The following WDPCP variants were observed in gnomAD, a reference collection of about 807,000 sequenced individuals.
WDPCP encodes the protein WD repeat-containing and planar cell polarity effector protein fritz homolog.
In WDPCP, 71 loss-of-function variants were observed where a neutral mutation model predicts 93.1. That is an observed-to-expected ratio of 0.76 (90% CI 0.63 to 0.93). The LOEUF is 0.93. Ranked by LOEUF, WDPCP falls within the 40% of genes least tolerant of loss-of-function variation. The pLI, the probability that WDPCP is intolerant of heterozygous loss-of-function variation, is 0.00. For synonymous variants in WDPCP, 315 were observed against 315.0 expected, an observed-to-expected ratio of 1.00 and a Z score of 0.00; for missense variants, 844 against 887.4, an observed-to-expected ratio of 0.95 and a Z score of 0.62.
chr2:63,313,115 A>G (rs1478321203), intron 13 of WDPCP, 133 bp downstream of exon 13: 2 of 796,230 alleles, frequency 2.5e-6, no homozygotes, highest in African/African-American at 3.5e-5. Flanking sequence ...CAAACCTGCA[A>G]GTCAAGATGG....
intron 1 of WDPCP, among the ~76,000 whole-genome samples, chr2:63,534,281 A>G (rs1704089735): frequency 6.6e-6 from 1 of 152,232 alleles, no homozygotes; most frequent in African/African-American, 2.4e-5. Context: ...TACCAGAGGT[A>G]CAAAGAGGAG....
At chr2:63,125,723 C>G (rs745669235) in intron 17 of WDPCP, among the ~76,000 whole-genome samples, 1 of 152,100 alleles carries the variant, frequency 6.6e-6, no homozygotes, top group Non-Finnish European at 1.5e-5. Context: ...TTCTCCCTGC[C>G]TCAGCCTTCT....
At chr2:63,553,467 ATC>A (rs1172661878) in intron 1 of WDPCP, among the ~76,000 whole-genome samples, 3 of 151,854 alleles carry the variant, frequency 2.0e-5, no homozygotes, top group Non-Finnish European at 4.4e-5. Flanking sequence ...TCCTCAATTC[ATC>A]TCTGTTTGGA....
At chr2:63,729,734 T>C (rs1028362216) in intron 2 of WDPCP, among the ~76,000 whole-genome samples, 2 of 152,160 alleles carry the variant, frequency 1.3e-5, no homozygotes, top group Non-Finnish European at 2.9e-5. Context: ...TCCCCCAGAC[T>C]AAAGGGATAC....
At chr2:63,802,705 T>C (rs1670714237) in intron 2 of WDPCP, among the ~76,000 whole-genome samples, 1 of 152,166 alleles carries the variant, frequency 6.6e-6, no homozygotes, top group African/African-American at 2.4e-5. Flanking sequence ...GGAAATTGTC[T>C]ATATTATTGT....
intron 8 of WDPCP, among the ~76,000 whole-genome samples, chr2:63,435,224 G>T (rs1474743586): frequency 1.3e-5 from 2 of 151,936 alleles, no homozygotes; most frequent in Non-Finnish European, 2.9e-5. Context: ...CTTGTTAAAG[G>T]TCAATAGTTT....
At chr2:63,752,241 C>G (rs1669894856) in intron 2 of WDPCP, 3 of 755,314 alleles carry the variant, frequency 4.0e-6, no homozygotes, top group Non-Finnish European at 7.1e-6. Flanking sequence ...ATTTCAATCA[C>G]TTCAATTTTT....
intron 12 of WDPCP, among the ~76,000 whole-genome samples, chr2:63,317,456 A>C (rs1211701066): frequency 1.3e-5 from 2 of 151,890 alleles, no homozygotes; most frequent in South Asian, 4.2e-4. Flanking sequence ...TGAACACCCA[A>C]AGCAATTCTA....
intron 9 of WDPCP, among the ~76,000 whole-genome samples, chr2:63,411,368 G>A (rs2105265722): frequency 6.6e-6 from 1 of 152,204 alleles, no homozygotes; most frequent in East Asian, 1.9e-4. Context: ...AAACCTCTGG[G>A]ATACAGCAAA....
At chr2:63,256,097 T>C (rs1681119411) in intron 14 of WDPCP, among the ~76,000 whole-genome samples, 1 of 152,114 alleles carries the variant, frequency 6.6e-6, no homozygotes, top group African/African-American at 2.4e-5. Context: ...AAGAAATAAA[T>C]TCAGCCCAAA....
At chr2:63,691,983 AT>A (rs552326106) in intron 2 of WDPCP, among the ~76,000 whole-genome samples, 140 of 152,106 alleles carry the variant, frequency 9.2e-4, no homozygotes, top group African/African-American at 3.1e-3. Flanking sequence ...TTATAAAAAA[AT>A]ATAGGACCTA....
chr2:63,588,928 G>C (rs1442885389), upstream of WDPCP: 1 of 1,436,224 alleles, frequency 7.0e-7, no homozygotes, highest in Non-Finnish European at 9.8e-7. Context: ...CGTCGGGAGC[G>C]GAGCCTTTTC....
chr2:63,577,390 G>T (rs1309011250), intron 1 of WDPCP, among the ~76,000 whole-genome samples: 3 of 152,152 alleles, frequency 2.0e-5, no homozygotes, highest in African/African-American at 7.2e-5. Context: ...AAAGTTTATT[G>T]TTTGGGGGAG....
At chr2:63,762,035 C>T (rs1670062789) in intron 2 of WDPCP, among the ~76,000 whole-genome samples, 1 of 152,194 alleles carries the variant, frequency 6.6e-6, no homozygotes, top group South Asian at 2.1e-4. Flanking sequence ...CGTGGTTCTT[C>T]AAGACCATTG....
At chr2:63,470,859 C>T (rs1234408187) in intron 6 of WDPCP, among the ~76,000 whole-genome samples, 1 of 152,106 alleles carries the variant, frequency 6.6e-6, no homozygotes. Context: ...ATTCTTCAAA[C>T]ATGCCAGGTA....
intron 13 of WDPCP, among the ~76,000 whole-genome samples, chr2:63,262,989 T>A (rs906574974): frequency 6.6e-6 from 1 of 152,202 alleles, no homozygotes; most frequent in Non-Finnish European, 1.5e-5. Flanking sequence ...TTTGGAAACA[T>A]ACTATGCAGT....
chr2:63,388,795 A>G (rs772059227), intron 10 of WDPCP, among the ~76,000 whole-genome samples: 1 of 152,168 alleles, frequency 6.6e-6, no homozygotes, highest in Non-Finnish European at 1.5e-5. Flanking sequence ...AAGAAAGGGT[A>G]TTGGTGATTG....
At chr2:63,136,995 A>G (rs970627128) in intron 17 of WDPCP, among the ~76,000 whole-genome samples, 3 of 152,174 alleles carry the variant, frequency 2.0e-5, no homozygotes, top group African/African-American at 7.2e-5. Context: ...TGTCTTTGCT[A>G]TTGTGACTAG....
At chr2:63,388,303 G>A (rs1692917887) in intron 10 of WDPCP, among the ~76,000 whole-genome samples, 2 of 152,098 alleles carry the variant, frequency 1.3e-5, no homozygotes, top group Admixed American at 6.6e-5. Context: ...CCCTGCAGCT[G>A]AGGGATCTGA....
Sources: allele counts gnomAD v4.1 joint callset (sites outside exome capture counted in the v4.1 genomes callset), GRCh38; gene constraint gnomAD v4.1.1; transcripts MANE v1.5; gene names NCBI Gene and HGNC (gene_info 2026-07-23, HGNC 2026-07-21).